DSCAM: variants seen among roughly 807,000 people sequenced by gnomAD.
DSCAM encodes DS cell adhesion molecule.
In DSCAM, 47 loss-of-function variants were observed where a neutral mutation model predicts 217.7. That is an observed-to-expected ratio of 0.22 (90% CI 0.17 to 0.28). DSCAM has a LOEUF of 0.28. DSCAM is among the 10% of genes least tolerant of loss of function. DSCAM has a pLI of 1.00. For synonymous variants in DSCAM, 1,056 were observed against 1,015.3 expected (o/e 1.04, Z -0.76); for missense variants, 2,080 against 2,618.3 (o/e 0.79, Z 4.49).
intron 3 of DSCAM, among the ~76,000 whole-genome samples, chr21:40,408,954 T>C (rs2075300803): frequency 6.6e-6 from 1 of 152,270 alleles, no homozygotes; most frequent in Non-Finnish European, 1.5e-5. Context: ...TCATCTGACC[T>C]ATCCAGGTGT....
chr21:40,717,901 C>A (rs2090859381), intron 1 of DSCAM, among the ~76,000 whole-genome samples: 1 of 152,138 alleles, frequency 6.6e-6, no homozygotes, highest in Admixed American at 6.5e-5. Context: ...AAAGTAAACA[C>A]TGAGTAGACA....
intron 3 of DSCAM, among the ~76,000 whole-genome samples, chr21:40,571,342 G>T (rs948733378): frequency 6.6e-6 from 1 of 152,052 alleles, no homozygotes; most frequent in South Asian, 2.1e-4. Flanking sequence ...AATATTCAAG[G>T]TGATAGATAT....
At chr21:40,040,319 A>C (rs1051898459) in intron 32 of DSCAM, among the ~76,000 whole-genome samples, 1 of 152,244 alleles carries the variant, frequency 6.6e-6, no homozygotes, top group African/African-American at 2.4e-5. Flanking sequence ...AGGTCACAAT[A>C]TCATGAGCAA....
At chr21:40,263,055 C>G (rs2073475414) in intron 11 of DSCAM, among the ~76,000 whole-genome samples, 1 of 152,042 alleles carries the variant, frequency 6.6e-6, no homozygotes, top group Non-Finnish European at 1.5e-5. Flanking sequence ...GCCAAGATAC[C>G]TTTTTAAAAT....
intron 11 of DSCAM, among the ~76,000 whole-genome samples, chr21:40,213,180 T>G (rs529706935): frequency 6.6e-6 from 1 of 152,344 alleles, no homozygotes; most frequent in South Asian, 2.1e-4. Context: ...TTCACAAAAC[T>G]TTTACTTATT....
chr21:40,322,423 G>A (rs939088303), intron 8 of DSCAM, among the ~76,000 whole-genome samples: 15 of 152,162 alleles, frequency 9.9e-5, no homozygotes, highest in African/African-American at 3.4e-4. Flanking sequence ...AGGTCCAATT[G>A]AGCTATGAAC....
chr21:40,100,594 C>G (rs750243542), intron 20 of DSCAM, among the ~76,000 whole-genome samples: 80 of 151,350 alleles, frequency 5.3e-4, no homozygotes, highest in Non-Finnish European at 9.6e-4. Context: ...CCAGATTTCG[C>G]CTGATATATC....
intron 11 of DSCAM, among the ~76,000 whole-genome samples, chr21:40,217,893 C>T (rs2091257630): frequency 6.6e-6 from 1 of 151,890 alleles, no homozygotes; most frequent in African/African-American, 2.4e-5. Flanking sequence ...GCTTAAGTTC[C>T]TGATTATTAG....
intron 30 of DSCAM, 115 bp downstream of exon 30, chr21:40,051,843 T>C: frequency 7.4e-7 from 1 of 1,355,226 alleles, no homozygotes; most frequent in Non-Finnish European, 1.0e-6. Context: ...TATACCCATT[T>C]GTTTCTCAGG....
chr21:40,063,720 T>A (rs2089161509), intron 27 of DSCAM, among the ~76,000 whole-genome samples: 1 of 152,218 alleles, frequency 6.6e-6, no homozygotes, highest in Admixed American at 6.5e-5. Context: ...TGTGACCAGC[T>A]CTGCAGTGAA....
chr21:40,640,035 T>C (rs966508919), intron 3 of DSCAM, among the ~76,000 whole-genome samples: 2 of 151,428 alleles, frequency 1.3e-5, no homozygotes, highest in South Asian at 2.1e-4. Context: ...ATGCACAGAA[T>C]TGATTAGTTC....
chr21:40,417,806 GAAGA>G (rs1478551401), intron 3 of DSCAM, among the ~76,000 whole-genome samples: 2 of 152,052 alleles, frequency 1.3e-5, no homozygotes, highest in African/African-American at 2.4e-5. Flanking sequence ...TAATAGACAT[GAAGA>G]AAGGATCACA....
intron 1 of DSCAM, among the ~76,000 whole-genome samples, chr21:40,846,181 T>A (rs2092143803): frequency 6.6e-6 from 1 of 152,026 alleles, no homozygotes. Context: ...GTTTGAAAAA[T>A]CTCAAAAAGC....
At position 40,512,211 on chromosome 21, in the gene DSCAM, C is replaced by A. The variant is rs79360975; in HGVS notation, c.509-142966G>T. On this transcript the variant is annotated intron_variant, in intron 3 of 32. Transcript: ENST00000400454. ...TTACACATAAGAAGAAATTCCCTTG[C>A]CCATCTTATCCTGAGTGAACCTTGT... 3.3e-5 allele frequency among the ~76,000 whole-genome samples: 5 copies of A among 152,116 alleles called. No homozygotes were observed. In the East Asian group the frequency reaches 9.7e-4, roughly 29 times the overall value.
intron 1 of DSCAM, among the ~76,000 whole-genome samples, chr21:40,774,144 C>A (rs895126858): frequency 2.0e-5 from 3 of 152,168 alleles, no homozygotes; most frequent in Non-Finnish European, 4.4e-5. Context: ...GGACAGGCGG[C>A]CTGTGACTTA....
At chr21:40,488,194 C>G (rs1464755808) in intron 3 of DSCAM, among the ~76,000 whole-genome samples, 1 of 152,216 alleles carries the variant, frequency 6.6e-6, no homozygotes, top group African/African-American at 2.4e-5. Context: ...GTACTCCGCA[C>G]CTGGAACAGT....
At chr21:40,742,140 T>C (rs919459463) in intron 1 of DSCAM, among the ~76,000 whole-genome samples, 15 of 152,148 alleles carry the variant, frequency 9.9e-5, no homozygotes, top group Admixed American at 3.9e-4. Flanking sequence ...CATTTTAAGA[T>C]GGAGAATATA....
At chr21:40,090,881 T>C (rs1461284796) in intron 21 of DSCAM, among the ~76,000 whole-genome samples, 1 of 152,192 alleles carries the variant, frequency 6.6e-6, no homozygotes, top group Non-Finnish European at 1.5e-5. Context: ...GTACCTCCTC[T>C]CACTGGCTTC....
At chr21:40,168,655 G>T (rs2090622631) in intron 15 of DSCAM, among the ~76,000 whole-genome samples, 1 of 152,170 alleles carries the variant, frequency 6.6e-6, no homozygotes, top group Non-Finnish European at 1.5e-5. Context: ...AACTCATTTT[G>T]GGGAGTTTGG....
Sources: gnomAD v4.1 joint callset for allele counts (sites outside exome capture counted in the v4.1 genomes callset) on GRCh38, gnomAD v4.1.1 for gene constraint, MANE v1.5 for transcripts, NCBI Gene and HGNC (gene_info 2026-07-23, HGNC 2026-07-21) for gene names.